The following ARHGAP24 variants were observed in gnomAD, a reference collection of about 807,000 sequenced individuals.
ARHGAP24 encodes the protein rho GTPase-activating protein 24.
ARHGAP24 carries 50 observed loss-of-function variants against 76.4 expected under a neutral mutation model. The observed-to-expected ratio is 0.65, with a 90% CI of 0.52 to 0.83. ARHGAP24 has a LOEUF of 0.83. ARHGAP24 is among the 40% of genes least tolerant of loss of function. The pLI is 0.00. For synonymous variants in ARHGAP24, 345 were observed against 323.3 expected (o/e 1.07, Z -0.72); for missense variants, 930 against 914.2 (o/e 1.02, Z -0.22).
At chr4:85,966,701 T>C (rs1738630828) in intron 5 of ARHGAP24, among the ~76,000 whole-genome samples, 1 of 152,128 alleles carries the variant, frequency 6.6e-6, no homozygotes, top group South Asian at 2.1e-4. Flanking sequence ...GCATTGGTGT[T>C]GGAAGTACTG....
Position 85,476,464 on chromosome 4 carries a change from T to C in ARHGAP24, c.-21+905T>C, listed in dbSNP as rs980244586. On this transcript the variant is annotated intron_variant, in intron 1 of 9. Transcript: ENST00000395184. ...TTCCACGGCATCATTGTTTCATCTC[T>C]TTCTAAAAAGGAAATAAATAAATCG... 2.6e-5 allele frequency among the ~76,000 whole-genome samples: 4 copies of C among 152,228 alleles called. No individual in the cohort carries two copies. The South Asian group carries it at 8.3e-4, about 32-fold the overall frequency.
chr4:85,827,518 T>TGTGTGTGTGTGTGTGTGTG (rs1368669294), intron 3 of ARHGAP24, among the ~76,000 whole-genome samples: 9 of 57,930 alleles, frequency 1.6e-4, no homozygotes, highest in Non-Finnish European at 2.8e-4. Flanking sequence ...GTGTGTGTGT[T>TGTGTGTGTGTGTGTGTGTG]TAGAGAGAGA....
chr4:85,655,464 C>T (rs1490135172), intron 2 of ARHGAP24, among the ~76,000 whole-genome samples: 1 of 151,684 alleles, frequency 6.6e-6, no homozygotes, highest in Non-Finnish European at 1.5e-5. Flanking sequence ...GTAAAACTCT[C>T]AATCATGGAC....
chr4:85,880,789 A>C (rs1733209619), intron 3 of ARHGAP24, among the ~76,000 whole-genome samples: 1 of 152,172 alleles, frequency 6.6e-6, no homozygotes, highest in South Asian at 2.1e-4. Flanking sequence ...TCGGCCTCCC[A>C]AAGTGCTGCG....
intron 3 of ARHGAP24, among the ~76,000 whole-genome samples, chr4:85,902,294 A>G (rs906806049): frequency 6.6e-6 from 1 of 152,186 alleles, no homozygotes; most frequent in East Asian, 1.9e-4. Flanking sequence ...TAAAATCTCT[A>G]TAAAGATCAG....
chr4:85,504,771 G>A (rs1252089667), intron 1 of ARHGAP24, among the ~76,000 whole-genome samples: 2 of 152,164 alleles, frequency 1.3e-5, no homozygotes, highest in South Asian at 2.1e-4. Context: ...TATGATGTTA[G>A]CTGATTATTT....
At chr4:85,703,907 A>G (rs1724198859) in intron 2 of ARHGAP24, among the ~76,000 whole-genome samples, 1 of 152,086 alleles carries the variant, frequency 6.6e-6, no homozygotes, top group Non-Finnish European at 1.5e-5. Context: ...CCCCCAAAAA[A>G]ATCCCCAATG....
intron 7 of ARHGAP24, chr4:85,975,547 A>G (rs932035127): frequency 6.5e-6 from 1 of 153,000 alleles, no homozygotes; most frequent in Non-Finnish European, 1.5e-5. Context: ...ATTGTGCCAG[A>G]AAAATAATTG....
chr4:85,850,139 C>T (rs1029813825), intron 3 of ARHGAP24, among the ~76,000 whole-genome samples: 2 of 152,098 alleles, frequency 1.3e-5, no homozygotes, highest in Non-Finnish European at 2.9e-5. Context: ...TGTTATTGGT[C>T]TATTCAGGGA....
At position 85,570,653 on chromosome 4, in the gene ARHGAP24, A is replaced by G; in HGVS notation, c.112A>G (p.Thr38Ala). Residue 38 changes from threonine to alanine, a missense_variant, in exon 2 of 10, where the codon ACT (threonine) becomes GCT (alanine). Transcript: ENST00000395184. ...KQGGFVKTWH[T>A]RWFVLKGDQL... ...AGGAGGCTTTGTCAAGACTTGGCAT[A>G]CTCGCTGGTTTGTGCTCAAGGGGGA... 1 of 1,613,904 alleles carries G rather than the reference A, an allele frequency of 6.2e-7. No individual in the cohort carries two copies. The highest frequency in any genetic ancestry group is 8.5e-7 in the Non-Finnish European group (1 of 1,179,980).
At chr4:85,799,283 T>C (rs907023887) in intron 3 of ARHGAP24, among the ~76,000 whole-genome samples, 1 of 151,984 alleles carries the variant, frequency 6.6e-6, no homozygotes, top group Non-Finnish European at 1.5e-5. Flanking sequence ...CTGGGACACC[T>C]TGTGTACCAG....
In ARHGAP24 at chr4:85,856,067, T is replaced by C. The variant is rs1341359835; in HGVS notation, c.269-67581T>C. 6.6e-5 allele frequency among the ~76,000 whole-genome samples: 10 copies of C among 152,204 alleles called. 1 individual carries two copies. The highest frequency in any genetic ancestry group is 3.2e-3 in the Middle Eastern group (1 of 316). ...TTCAAATTCTTTGTACCATTTTAAA[T>C]TCCCACCAGCATGTTTAAGATTTCC... On this transcript the variant is annotated intron_variant, in intron 3 of 9. Transcript: ENST00000395184.
chr4:85,600,226 C>T (rs1410393140), intron 2 of ARHGAP24, among the ~76,000 whole-genome samples: 1 of 152,194 alleles, frequency 6.6e-6, no homozygotes, highest in Non-Finnish European at 1.5e-5. Context: ...AGCAGATTCA[C>T]TGCAGTGAGA....
At chr4:85,738,065 C>T (rs1210650871) in intron 3 of ARHGAP24, among the ~76,000 whole-genome samples, 2 of 151,956 alleles carry the variant, frequency 1.3e-5, no homozygotes, top group South Asian at 2.1e-4. Context: ...AGATTAAAGG[C>T]GCCCACCACC....
At position 85,684,471 on chromosome 4, in the gene ARHGAP24, T is replaced by G. The variant is rs540769765; in HGVS notation, c.181-37414T>G. ...TGCTGCTCCTGAGTCATTCATTCTT[T>G]GAAATGAGAAATGGCCTGTGCTTAA... On this transcript the variant is annotated intron_variant, in intron 2 of 9. Coordinates refer to ENST00000395184, the MANE Select transcript of ARHGAP24 (RefSeq NM_001025616.3). Among the ~76,000 whole-genome samples the G allele has an allele frequency of 7.2e-4, 109 of 152,310 alleles. 1 individual carries two copies. Among genetic ancestry groups the G allele is most frequent in the Admixed American group, 3.9e-3 (60 of 15,300 alleles).
At chr4:85,805,054 AG>A (rs778103146) in intron 3 of ARHGAP24, among the ~76,000 whole-genome samples, 14 of 152,208 alleles carry the variant, frequency 9.2e-5, no homozygotes, top group Non-Finnish European at 1.9e-4. Context: ...ATGAGATAAA[AG>A]TTTATTTGAG....
At chr4:85,996,041 G>A (rs1740638969) in intron 9 of ARHGAP24, among the ~76,000 whole-genome samples, 1 of 152,176 alleles carries the variant, frequency 6.6e-6, no homozygotes, top group African/African-American at 2.4e-5. Flanking sequence ...TCACTAACAA[G>A]AAAAGGATGA....
At chr4:85,900,797 C>T (rs1734450425) in intron 3 of ARHGAP24, among the ~76,000 whole-genome samples, 1 of 152,146 alleles carries the variant, frequency 6.6e-6, no homozygotes, top group African/African-American at 2.4e-5. Context: ...ACTGGGCTTC[C>T]AGGGCTGGTG....
chr4:85,537,848 G>T lies in ARHGAP24; in HGVS notation c.-20-32674G>T, dbSNP rs150741102. Among the ~76,000 whole-genome samples, 997 of 152,216 alleles carry T rather than the reference G, an allele frequency of 6.5e-3. 11 individuals carry two copies. Among genetic ancestry groups the T allele is most frequent in the African/African-American group, 0.023 (952 of 41,536 alleles). On this transcript the variant is annotated intron_variant, in intron 1 of 9. Coordinates refer to ENST00000395184, the MANE Select transcript of ARHGAP24 (RefSeq NM_001025616.3). ...ATGTATTCAGAGAAAGCCCAGATAT[G>T]GTGCGTACAAGTCATCTAACATATT...
Sources: allele counts gnomAD v4.1 joint callset (sites outside exome capture counted in the v4.1 genomes callset), GRCh38; gene constraint gnomAD v4.1.1; transcripts MANE v1.5; gene names NCBI Gene and HGNC (gene_info 2026-07-23, HGNC 2026-07-21).